Variants in FOXN3 observed in about 807,000 individuals in gnomAD.
FOXN3 encodes forkhead box protein N3.
In FOXN3, 7 loss-of-function variants were observed where a neutral mutation model predicts 38.4. The observed-to-expected ratio is 0.18, with a 90% CI of 0.10 to 0.34. The LOEUF is 0.34. FOXN3 is among the 10% of genes least tolerant of loss of function. The probability of loss-of-function intolerance (pLI) is 1.00; values close to 1 mark genes in which losing one functional copy is unlikely to be tolerated. For synonymous variants in FOXN3, 230 were observed against 242.2 expected (o/e 0.95, Z 0.47); for missense variants, 456 against 613.4 (o/e 0.74, Z 2.71).
At chr14:89,288,236 C>T (rs12433762) in intron 3 of FOXN3, among the ~76,000 whole-genome samples, 1,911 of 152,116 alleles carry the variant, frequency 0.013, 41 homozygotes, top group African/African-American at 0.044. Flanking sequence ...CCAACCAGGC[C>T]CACCAACACT....
intron 2 of FOXN3, among the ~76,000 whole-genome samples, chr14:89,402,899 A>C (rs956480560): frequency 1.3e-5 from 2 of 152,234 alleles, no homozygotes; most frequent in Non-Finnish European, 2.9e-5. Context: ...CCTTCTGATC[A>C]ATCCATCCTT....
At chr14:89,304,099 C>A (rs530623063) in intron 3 of FOXN3, among the ~76,000 whole-genome samples, 1 of 152,310 alleles carries the variant, frequency 6.6e-6, no homozygotes. Flanking sequence ...CTGTCACATG[C>A]AAACTTGAAC....
chr14:89,445,149 A>G (rs986716236), intron 1 of FOXN3, among the ~76,000 whole-genome samples: 4 of 149,370 alleles, frequency 2.7e-5, no homozygotes, highest in African/African-American at 9.8e-5. Context: ...ATAAAATAAA[A>G]TAAAAAAAAG....
intron 5 of FOXN3, among the ~76,000 whole-genome samples, chr14:89,173,402 T>TTAA (rs1304644590): frequency 1.3e-5 from 2 of 152,230 alleles, no homozygotes; most frequent in African/African-American, 2.4e-5. Context: ...CAATGTGGCA[T>TTAA]TACCTTGTAA....
At chr14:89,239,235 T>C (rs961094281) in intron 4 of FOXN3, among the ~76,000 whole-genome samples, 2 of 152,214 alleles carry the variant, frequency 1.3e-5, no homozygotes, top group African/African-American at 4.8e-5. Context: ...ACCAGCAGTT[T>C]TGTGGGAATC....
At chr14:89,272,400 C>T (rs1886176113) in intron 4 of FOXN3, among the ~76,000 whole-genome samples, 1 of 151,756 alleles carries the variant, frequency 6.6e-6, no homozygotes, top group African/African-American at 2.4e-5. Flanking sequence ...TTATGAGTCT[C>T]ACTTCAATTA....
At chr14:89,404,727 C>T (rs191721011) in intron 2 of FOXN3, among the ~76,000 whole-genome samples, 186 of 152,036 alleles carry the variant, frequency 1.2e-3, no homozygotes, top group African/African-American at 4.4e-3. Context: ...CAGTAGGCAC[C>T]GGTGAGAAGG....
In FOXN3 at chr14:89,162,243, A is replaced by G. The variant is rs1041621903; in HGVS notation, c.*171T>C. Reference sequence around the variant, plus strand: ...AATAAAATTCTTAAGGGTCCAAAACAAAGAAGAGGGGGCAAATTAAAACAA... The same window carrying G: ...AATAAAATTCTTAAGGGTCCAAAACGAAGAAGAGGGGGCAAATTAAAACAA... On this transcript the variant is annotated 3_prime_UTR_variant, in exon 6 of 6. Coordinates refer to ENST00000557258, the MANE Select transcript of FOXN3 (RefSeq NM_005197.4). This position sits in a 1 kb window ranked among gnomAD's most constrained non-coding sequence, Gnocchi z 7.2. The G allele has an allele frequency of 1.8e-6, 1 of 558,104 alleles. No individual in the cohort carries two copies. Among genetic ancestry groups the G allele is most frequent in the African/African-American group, 1.9e-5 (1 of 51,980 alleles). The allele number at this position is 558,104 out of a possible 1,614,324, so 34.6% of individuals were successfully genotyped here. A position where few individuals can be genotyped will look rare whatever the true frequency, so the allele number is the denominator to read the frequency against.
chr14:89,561,990 T>C (rs1398985222), intron 1 of FOXN3, among the ~76,000 whole-genome samples: 1 of 152,180 alleles, frequency 6.6e-6, no homozygotes, highest in African/African-American at 2.4e-5. Flanking sequence ...AAGAAATATA[T>C]TAGCTCCCAA....
chr14:89,258,449 C>T (rs1353912915), intron 4 of FOXN3, among the ~76,000 whole-genome samples: 3 of 152,132 alleles, frequency 2.0e-5, no homozygotes, highest in Middle Eastern at 3.2e-3. Flanking sequence ...ACTTTTCCTC[C>T]ACAGATCTCT....
At chr14:89,543,109 G>T (rs1255182789) in intron 1 of FOXN3, among the ~76,000 whole-genome samples, 1 of 152,192 alleles carries the variant, frequency 6.6e-6, no homozygotes, top group African/African-American at 2.4e-5. Context: ...GCTGGATCAC[G>T]TATACTTGAA....
chr14:89,344,804 T>C (rs554417519), intron 3 of FOXN3, among the ~76,000 whole-genome samples: 1 of 152,288 alleles, frequency 6.6e-6, no homozygotes, highest in African/African-American at 2.4e-5. Flanking sequence ...GAACCGAGTG[T>C]AAAATCAGAA....
intron 4 of FOXN3, among the ~76,000 whole-genome samples, chr14:89,246,313 C>T (rs2139872557): frequency 6.6e-6 from 1 of 152,142 alleles, no homozygotes; most frequent in Non-Finnish European, 1.5e-5. Context: ...TAAGTTAAAA[C>T]ATATATTTTC....
At chr14:89,276,128 A>C (rs1478334167) in intron 4 of FOXN3, among the ~76,000 whole-genome samples, 1 of 152,084 alleles carries the variant, frequency 6.6e-6, no homozygotes, top group Non-Finnish European at 1.5e-5. Flanking sequence ...AATACGTAAA[A>C]ATTAGCTGAG....
intron 3 of FOXN3, among the ~76,000 whole-genome samples, chr14:89,315,094 A>G (rs1290868124): frequency 1.3e-5 from 2 of 151,934 alleles, no homozygotes; most frequent in African/African-American, 4.8e-5. Flanking sequence ...CCTCCATATC[A>G]CCTGGCTCAG....
At chr14:89,543,269 T>C (rs970232418) in intron 1 of FOXN3, among the ~76,000 whole-genome samples, 6 of 152,182 alleles carry the variant, frequency 3.9e-5, no homozygotes, top group Non-Finnish European at 7.3e-5. Context: ...TCCACACCCA[T>C]TGCCTGTGAG....
intron 4 of FOXN3, among the ~76,000 whole-genome samples, chr14:89,255,929 G>T (rs7144396): frequency 0.77 from 117,177 of 152,040 alleles, 45,452 homozygotes; most frequent in Non-Finnish European, 0.81. Flanking sequence ...TCACACTTTC[G>T]TTTTTTGCAA....
chr14:89,482,088 C>T (rs942929037), intron 1 of FOXN3, among the ~76,000 whole-genome samples: 2 of 152,180 alleles, frequency 1.3e-5, no homozygotes, highest in African/African-American at 2.4e-5. Flanking sequence ...CTTTCATACA[C>T]TTTATTTGAA....
intron 5 of FOXN3, among the ~76,000 whole-genome samples, chr14:89,171,740 T>G (rs1210090973): frequency 1.3e-5 from 2 of 152,218 alleles, no homozygotes; most frequent in Non-Finnish European, 2.9e-5. Context: ...ATAATTTTGT[T>G]ATGATAAAGC....
Sources: allele counts gnomAD v4.1 joint callset (sites outside exome capture counted in the v4.1 genomes callset), GRCh38; gene constraint gnomAD v4.1.1; non-coding constraint Gnocchi (gnomAD v3.1); transcripts MANE v1.5; gene names NCBI Gene and HGNC (gene_info 2026-07-23, HGNC 2026-07-21).